Variants in FRMD3 observed in about 807,000 individuals in gnomAD.
The protein encoded by FRMD3 is FERM domain containing 3.
Under a neutral mutation model 70.2 loss-of-function variants are expected in FRMD3, and 33 were observed. That is an observed-to-expected ratio of 0.47 (90% CI 0.36 to 0.63). FRMD3 has a LOEUF of 0.63. Ranked by LOEUF, FRMD3 falls within the 20% of genes least tolerant of loss-of-function variation. FRMD3 has a pLI of 0.00. For missense variants in FRMD3, 632 were observed against 711.4 expected, an observed-to-expected ratio of 0.89 and a Z score of 1.27; for synonymous variants, 279 against 255.9, an observed-to-expected ratio of 1.09 and a Z score of -0.86.
chr9:83,364,292 C>A (rs1824716710), intron 3 of FRMD3, among the ~76,000 whole-genome samples: 2 of 152,218 alleles, frequency 1.3e-5, no homozygotes, highest in South Asian at 4.1e-4. Context: ...GGCACGGTGG[C>A]TCACGCCTGT....
intron 5 of FRMD3, among the ~76,000 whole-genome samples, chr9:83,340,125 G>C (rs1221666901): frequency 6.6e-6 from 1 of 152,108 alleles, no homozygotes; most frequent in African/African-American, 2.4e-5. Context: ...AGGATTGCTT[G>C]AGGTCAGAGT....
At chr9:83,336,803 C>T (rs1418540419) in intron 5 of FRMD3, among the ~76,000 whole-genome samples, 1 of 151,082 alleles carries the variant, frequency 6.6e-6, no homozygotes, top group South Asian at 2.1e-4. Flanking sequence ...TATTAGGTTT[C>T]CTACACCAAG....
intron 1 of FRMD3, among the ~76,000 whole-genome samples, chr9:83,511,011 C>T (rs1026762440): frequency 2.6e-5 from 4 of 152,124 alleles, no homozygotes; most frequent in Non-Finnish European, 5.9e-5. Flanking sequence ...TTGTACGTTA[C>T]GTGTATTAGA....
At chr9:83,463,491 A>G (rs565557173) in intron 1 of FRMD3, among the ~76,000 whole-genome samples, 1 of 152,292 alleles carries the variant, frequency 6.6e-6, no homozygotes, top group South Asian at 2.1e-4. Context: ...TCACAAAGCC[A>G]TCAGATCTCA....
rs1564121108 is a variant in FRMD3, at chr9:83,537,008, G to A, written c.147+1077C>T. On this transcript the variant is annotated intron_variant, in intron 1 of 13. Coordinates refer to ENST00000304195, the MANE Select transcript of FRMD3 (RefSeq NM_174938.6). This position sits in a 1 kb window ranked among gnomAD's most constrained non-coding sequence, Gnocchi z 4.1. The stretch of plus-strand genomic sequence containing the variant: ...AGGGTAGGTGAGAAAGGAAATCCCA[G>A]AGATAAACAGTTAAATAGATTTAGA... 6.7e-6 allele frequency among the ~76,000 whole-genome samples: 1 copy of A among 149,050 alleles called. No homozygotes were observed.
intron 13 of FRMD3, among the ~76,000 whole-genome samples, chr9:83,283,391 C>T (rs899484956): frequency 1.3e-5 from 2 of 151,846 alleles, no homozygotes; most frequent in South Asian, 2.1e-4. Flanking sequence ...ATTAGCCAGG[C>T]GTGGTGGCGG....
At chr9:83,339,487 A>G (rs1367785091) in intron 5 of FRMD3, among the ~76,000 whole-genome samples, 2 of 152,218 alleles carry the variant, frequency 1.3e-5, no homozygotes, top group Non-Finnish European at 2.9e-5. Flanking sequence ...GAAAAATCCA[A>G]TGAGTTTGAA....
chr9:83,499,874 T>C (rs1164861535), intron 1 of FRMD3, among the ~76,000 whole-genome samples: 1 of 152,206 alleles, frequency 6.6e-6, no homozygotes, highest in African/African-American at 2.4e-5. Flanking sequence ...GGTGAATAGT[T>C]ACACAAACTG....
At chr9:83,523,460 T>C (rs1304742573) in intron 1 of FRMD3, among the ~76,000 whole-genome samples, 1 of 152,214 alleles carries the variant, frequency 6.6e-6, no homozygotes, top group East Asian at 1.9e-4. Context: ...TATTTTATAT[T>C]TAACAACTGC....
chr9:83,272,475 G>A (rs541120825), intron 13 of FRMD3, among the ~76,000 whole-genome samples: 117 of 152,178 alleles, frequency 7.7e-4, no homozygotes, highest in Middle Eastern at 6.8e-3. Context: ...CCTCCCAGCC[G>A]CCTGCCTTGG....
intron 1 of FRMD3, among the ~76,000 whole-genome samples, chr9:83,396,169 ATG>A (rs909274264): frequency 5.3e-5 from 8 of 152,224 alleles, no homozygotes; most frequent in Non-Finnish European, 1.2e-4. Flanking sequence ...CAGTTGGCCT[ATG>A]TGTCCCCATT....
rs780150860 is a variant in FRMD3 at position 83,446,646 on chromosome 9, C to CAAA, written c.148-56941_148-56939dup. 4.2e-3 allele frequency among the ~76,000 whole-genome samples: 349 copies of CAAA among 83,238 alleles called. 5 individuals are homozygous for CAAA. Among genetic ancestry groups the CAAA allele is most frequent in the African/African-American group, 0.013 (279 of 21,348 alleles). 54.6% of individuals were successfully genotyped at this position (83,238 alleles called of 152,430 possible). A position where few individuals can be genotyped will look rare whatever the true frequency, so the allele number is the denominator to read the frequency against. On this transcript the variant is annotated intron_variant, in intron 1 of 13. Coordinates refer to ENST00000304195, the MANE Select transcript of FRMD3 (RefSeq NM_174938.6). ...TGGGCGACAGAGCAAGACTCGGTCT[C>CAAA]AAAAAAAAAAAAAAAAAAAAAGGAA...
chr9:83,343,433 A>T, intron 4 of FRMD3, 146 bp from the exon 5 acceptor site: 1 of 615,946 alleles, frequency 1.6e-6, no homozygotes. Context: ...TTGTAGAACA[A>T]GCAGAGGAAA....
the FRMD3 span, among the ~76,000 whole-genome samples, chr9:83,582,279 A>G: frequency 6.6e-6 from 1 of 152,228 alleles, no homozygotes; most frequent in Non-Finnish European, 1.5e-5. Flanking sequence ...TACCCAGATC[A>G]GAAAATGTTG....
At chr9:83,378,438 C>T (rs1444759686) in intron 2 of FRMD3, among the ~76,000 whole-genome samples, 11 of 140,578 alleles carry the variant, frequency 7.8e-5, no homozygotes, top group Admixed American at 2.2e-4. Flanking sequence ...CCACCATGCC[C>T]GGCTAATTTA....
chr9:83,568,377 T>A, the FRMD3 span, among the ~76,000 whole-genome samples: 1 of 152,196 alleles, frequency 6.6e-6, no homozygotes, highest in Admixed American at 6.5e-5. Flanking sequence ...AATTATGTAT[T>A]AAATTAATTG....
chr9:83,536,930 T>TAAAAAAAAAAACA (rs1829905510), intron 1 of FRMD3, among the ~76,000 whole-genome samples: 1 of 60,894 alleles, frequency 1.6e-5, no homozygotes, highest in Non-Finnish European at 3.2e-5. Context: ...TGTATTACAC[T>TAAAAAAAAAAACA]AAAAAAAAAA....
chr9:83,460,091 C>A (rs1827927734), intron 1 of FRMD3, among the ~76,000 whole-genome samples: 1 of 152,220 alleles, frequency 6.6e-6, no homozygotes, highest in Admixed American at 6.5e-5. Context: ...CTCAACATAT[C>A]AGTTTGCTGG....
intron 1 of FRMD3, chr9:83,467,880 T>C: frequency 1.6e-5 from 18 of 1,096,894 alleles, no homozygotes; most frequent in Non-Finnish European, 2.2e-5. Flanking sequence ...CATGAGATGC[T>C]TTTAATTGTT....
Sources: allele counts gnomAD v4.1 joint callset (sites outside exome capture counted in the v4.1 genomes callset), GRCh38; gene constraint gnomAD v4.1.1; non-coding constraint Gnocchi (gnomAD v3.1); transcripts MANE v1.5; gene names NCBI Gene and HGNC (gene_info 2026-07-23, HGNC 2026-07-21).